Variants in COL5A1 observed in about 807,000 individuals in gnomAD.
The protein encoded by COL5A1 is collagen type V alpha 1 chain, also known as collagen alpha-1(V) chain.
A neutral mutation model predicts 263.7 loss-of-function variants in COL5A1; 16 were observed. The observed-to-expected ratio is 0.06, with a 90% CI of 0.04 to 0.09. The LOEUF is 0.09. Ranked by LOEUF, COL5A1 falls within the 10% of genes least tolerant of loss-of-function variation. COL5A1 has a pLI of 1.00. For missense variants in COL5A1, 2,036 were observed against 2,540.5 expected (o/e 0.80, Z 4.27); for synonymous variants, 1,012 against 1,004.5 (o/e 1.01, Z -0.14).
chr9:134,794,960 A>AG lies in COL5A1; in HGVS notation c.2701-120dup. 1 of 1,036,374 alleles carries AG rather than the reference A, an allele frequency of 9.6e-7. No homozygotes were observed. Among genetic ancestry groups the AG allele is most frequent in the African/African-American group, 1.6e-5 (1 of 62,820 alleles). The allele number at this position is 1,036,374 out of a possible 1,614,324, so 64.2% of individuals were successfully genotyped here. A position where few individuals can be genotyped will look rare whatever the true frequency, so the allele number is the denominator to read the frequency against. On this transcript the variant is annotated intron_variant, in intron 32 of 65. Transcript: ENST00000371817. The surrounding 1 kb of genome is among the most constrained non-coding windows in gnomAD (Gnocchi z 4.3). The stretch of plus-strand genomic sequence containing the variant: ...AACACGGAAAAGGTGGGTGGCGGGG[A>AG]GGCCCAGGTTCCTCCTATCCTGCTC...
rs971578633 is a variant in COL5A1, at chr9:134,765,624, G to A, written c.2035-57G>A. The A allele has an allele frequency of 4.0e-6, 6 of 1,510,382 alleles. No individual in the cohort carries two copies. Among genetic ancestry groups the A allele is most frequent in the African/African-American group, 1.4e-5 (1 of 72,838 alleles). 93.6% of individuals were successfully genotyped at this position (1,510,382 alleles called of 1,614,324 possible). A position where few individuals can be genotyped will look rare whatever the true frequency, so the allele number is the denominator to read the frequency against. ...GGGCCAAGTGGGCATAGGGGACAGA[G>A]AGGAGGGCTGGGATTTCTGCCCGAG... On this transcript the variant is annotated intron_variant, in intron 20 of 65. Transcript: ENST00000371817. The surrounding 1 kb of genome is among the most constrained non-coding windows in gnomAD (Gnocchi z 5.1).
intron 30 of COL5A1, 118 bp downstream of exon 30, chr9:134,785,214 A>G: frequency 1.4e-6 from 1 of 733,182 alleles, no homozygotes; most frequent in Admixed American, 2.3e-5. Flanking sequence ...GTGATTCCTG[A>G]GCGGGCTCCT....
intron 63 of COL5A1, among the ~76,000 whole-genome samples, chr9:134,826,521 C>T (rs570460112): frequency 3.2e-4 from 49 of 150,990 alleles, no homozygotes; most frequent in Non-Finnish European, 6.2e-4. Context: ...TGTGTGGGCA[C>T]ATGTGGATGA....
At chr9:134,708,343 G>A in intron 4 of COL5A1, 1 of 326,860 alleles carries the variant, frequency 3.1e-6, no homozygotes, top group East Asian at 8.6e-5. Flanking sequence ...GTGTGTGCCT[G>A]CCCCTCCCGA....
chr9:134,830,122 C>T lies in COL5A1; in HGVS notation c.5136+78C>T, dbSNP rs762001878. The T allele has an allele frequency of 2.5e-6, 4 of 1,612,864 alleles. No individual in the cohort carries two copies. The East Asian group carries it at 6.7e-5, about 27-fold the overall frequency. On this transcript the variant is annotated intron_variant, in intron 64 of 65. Transcript: ENST00000371817. ...GTATCTTACAGAGTAAAATGGCCCG[C>T]TGGCCCAAAGAGCAGCCTTCCACCT...
At chr9:134,718,477 C>T (rs534630512) in intron 4 of COL5A1, among the ~76,000 whole-genome samples, 10 of 152,352 alleles carry the variant, frequency 6.6e-5, no homozygotes, top group East Asian at 3.9e-4. Flanking sequence ...TGTCTGGAGC[C>T]GCTGGTGCTG....
chr9:134,752,437 G>A lies in COL5A1; in HGVS notation c.1663-152G>A. 3 of 641,710 alleles carry A rather than the reference G, an allele frequency of 4.7e-6. No homozygotes were observed. In the South Asian group the frequency reaches 5.2e-5, roughly 11 times the overall value. The allele number at this position is 641,710 out of a possible 1,614,324, so 39.8% of individuals were successfully genotyped here. A position where few individuals can be genotyped will look rare whatever the true frequency, so the allele number is the denominator to read the frequency against. ...TCGAAGTCGGGGGGGGGGGGCCCTT[G>A]GGGAGTCATCAGACCTCCTTTTCCA... On this transcript the variant is annotated intron_variant, in intron 13 of 65. Coordinates refer to ENST00000371817, the MANE Select transcript of COL5A1 (RefSeq NM_000093.5).
intron 52 of COL5A1, 63 bp downstream of exon 52, chr9:134,816,051 GC>G: frequency 6.5e-7 from 1 of 1,545,354 alleles, no homozygotes; most frequent in Non-Finnish European, 9.0e-7. Context: ...GGACCTTGCA[GC>G]TTGCTTGACT....
chr9:134,813,422 T>A (rs755844940), intron 48 of COL5A1, among the ~76,000 whole-genome samples: 1 of 152,180 alleles, frequency 6.6e-6, no homozygotes, highest in Non-Finnish European at 1.5e-5. Flanking sequence ...GAAGACGCCT[T>A]CCACCGCTGC....
At chr9:134,666,766 T>G (rs976777393) in intron 1 of COL5A1, among the ~76,000 whole-genome samples, 3 of 152,244 alleles carry the variant, frequency 2.0e-5, no homozygotes, top group Non-Finnish European at 4.4e-5. Context: ...AAACCTGGGC[T>G]GGCCTTGATT....
At chr9:134,776,342 C>T (rs565018614) in intron 27 of COL5A1, among the ~76,000 whole-genome samples, 2 of 152,332 alleles carry the variant, frequency 1.3e-5, no homozygotes, top group African/African-American at 4.8e-5. Context: ...TGGCTAATTG[C>T]ATAACGCTGC....
rs572077690 is a variant in COL5A1, at chr9:134,816,130, T to C, written c.4122+142T>C. The C allele has an allele frequency of 2.5e-5, 20 of 806,560 alleles. No homozygotes were observed. The Admixed American group carries it at 3.2e-4, about 13-fold the overall frequency. 50.0% of individuals were successfully genotyped at this position (806,560 alleles called of 1,614,324 possible). On this transcript the variant is annotated intron_variant, in intron 52 of 65. Coordinates refer to ENST00000371817, the MANE Select transcript of COL5A1 (RefSeq NM_000093.5). Reference sequence around the variant, plus strand: ...TATGATATCGATTCCCTTATGATATTGATTCCCTTATGATGTTGATTCCCT... The same window carrying C: ...TATGATATCGATTCCCTTATGATATCGATTCCCTTATGATGTTGATTCCCT...
chr9:134,644,645 TGTTTTCTGAGG>T (rs1043583862), intron 1 of COL5A1, among the ~76,000 whole-genome samples: 2 of 152,200 alleles, frequency 1.3e-5, no homozygotes, highest in East Asian at 3.9e-4. Flanking sequence ...ATCTGCCAGA[TGTTTTCTGAGG>T]GTTTTCTGAA....
chr9:134,820,721 G>A (rs575006855), intron 58 of COL5A1, among the ~76,000 whole-genome samples: 1 of 152,320 alleles, frequency 6.6e-6, no homozygotes, highest in South Asian at 2.1e-4. Flanking sequence ...CATGCAGAGA[G>A]CTTCACTCTG....
chr9:134,731,754 G>T, intron 8 of COL5A1, 91 bp downstream of exon 8: 1 of 1,402,252 alleles, frequency 7.1e-7, no homozygotes, highest in South Asian at 1.3e-5. Flanking sequence ...TCAGGGGTGG[G>T]CCTCTACGGG....
chr9:134,761,896 A>G (rs1836457501), intron 18 of COL5A1, 29 bp from the exon 19 acceptor site: 1 of 1,612,032 alleles, frequency 6.2e-7, no homozygotes, highest in Non-Finnish European at 8.5e-7. Context: ...TGCTCAGGAG[A>G]GGCTGACGTT....
At chr9:134,817,709 T>G in intron 53 of COL5A1, 69 bp from the exon 54 acceptor site, 1 of 1,448,698 alleles carries the variant, frequency 6.9e-7, no homozygotes, top group Non-Finnish European at 9.6e-7. Context: ...CCTGAGCGCC[T>G]GCACCCGAGC....
chr9:134,825,961 T>C, intron 63 of COL5A1, 57 bp downstream of exon 63: 1 of 1,117,136 alleles, frequency 9.0e-7, no homozygotes, highest in East Asian at 2.4e-5. Context: ...GACAGGGCCA[T>C]GCCGAGGGCT....
chr9:134,750,858 G>A lies in COL5A1; in HGVS notation c.1638G>A (p.Ala546=), dbSNP rs775508023. The change falls in exon 13 of 66, where the codon GCG becomes GCA. Residue 546 remains alanine, a synonymous_variant. Coordinates refer to ENST00000371817, the MANE Select transcript of COL5A1 (RefSeq NM_000093.5). ...TGGTCTCAGCCCAGGAGTCCCAGGC[G>A]CAAGCCATTCTCCAGCAGGCCAGGG... ...GPMVSAQESQ[A]QAILQQARLA... 6.2e-6 allele frequency: 10 copies of A among 1,612,574 alleles called. No homozygotes were observed. The highest frequency in any genetic ancestry group is 4.0e-5 in the African/African-American group (3 of 74,918).
Sources: allele counts gnomAD v4.1 joint callset (sites outside exome capture counted in the v4.1 genomes callset), GRCh38; gene constraint gnomAD v4.1.1; non-coding constraint Gnocchi (gnomAD v3.1); transcripts MANE v1.5; gene names NCBI Gene and HGNC (gene_info 2026-07-23, HGNC 2026-07-21).